Variants in INPP4B observed in about 807,000 individuals in gnomAD.
INPP4B encodes inositol polyphosphate-4-phosphatase type II B.
In INPP4B, 55 loss-of-function variants were observed where a neutral mutation model predicts 122.5. The ratio of observed to expected loss-of-function variants is 0.45; its 90% CI spans 0.36 to 0.56. The LOEUF (loss-of-function observed/expected upper bound fraction) is 0.56, where lower values mean the gene tolerates loss of function less well. Ranked by LOEUF, INPP4B falls within the 20% of genes least tolerant of loss-of-function variation. The pLI is 0.00. For synonymous variants in INPP4B, 403 were observed against 388.7 expected, an observed-to-expected ratio of 1.04 and a Z score of -0.43; for missense variants, 1,000 against 1,097.7, an observed-to-expected ratio of 0.91 and a Z score of 1.26.
intron 16 of INPP4B, among the ~76,000 whole-genome samples, chr4:142,162,928 T>C (rs1820819236): frequency 6.6e-6 from 1 of 151,924 alleles, no homozygotes; most frequent in Non-Finnish European, 1.5e-5. Flanking sequence ...GTGTAGAGAA[T>C]CACATTTTTT....
chr4:142,706,396 A>G (rs566742648), intron 2 of INPP4B, among the ~76,000 whole-genome samples: 23 of 152,344 alleles, frequency 1.5e-4, no homozygotes, highest in Admixed American at 5.9e-4. Context: ...TTGAGAAACT[A>G]TATCAATCAA....
At chr4:142,767,456 T>G (rs1454321766) in intron 1 of INPP4B, 1 of 152,214 alleles carries the variant, frequency 6.6e-6, no homozygotes, top group Non-Finnish European at 1.5e-5. Context: ...AGGAATGGGC[T>G]GGCTCTGCAG....
chr4:142,522,290 T>C (rs1335523877), intron 2 of INPP4B, among the ~76,000 whole-genome samples: 2 of 151,926 alleles, frequency 1.3e-5, no homozygotes, highest in African/African-American at 4.8e-5. Flanking sequence ...TATTGTGTCA[T>C]GTAGACATTT....
intron 2 of INPP4B, among the ~76,000 whole-genome samples, chr4:142,504,364 G>A (rs1468034577): frequency 2.6e-5 from 4 of 151,940 alleles, no homozygotes; most frequent in Non-Finnish European, 4.4e-5. Flanking sequence ...AATAATGGCA[G>A]GGATGTAGGA....
chr4:142,515,643 G>A (rs1825325586), intron 2 of INPP4B, among the ~76,000 whole-genome samples: 1 of 152,130 alleles, frequency 6.6e-6, no homozygotes, highest in South Asian at 2.1e-4. Flanking sequence ...ACTCAGAGCA[G>A]TGGGAAACAG....
At chr4:142,047,350 T>G (rs1378991860) in intron 25 of INPP4B, among the ~76,000 whole-genome samples, 1 of 152,152 alleles carries the variant, frequency 6.6e-6, no homozygotes, top group South Asian at 2.1e-4. Context: ...TCGACTATTC[T>G]GTTCAATTGA....
At chr4:142,837,597 G>T (rs866591196) in intron 1 of INPP4B, among the ~76,000 whole-genome samples, 1 of 151,968 alleles carries the variant, frequency 6.6e-6, no homozygotes, top group African/African-American at 2.4e-5. Context: ...CTATAAGAAG[G>T]GCTCAATAAA....
chr4:142,661,943 G>A (rs1330958964), intron 2 of INPP4B, among the ~76,000 whole-genome samples: 1 of 152,104 alleles, frequency 6.6e-6, no homozygotes, highest in African/African-American at 2.4e-5. Context: ...CAGAAGAGTG[G>A]GAGAGGTTGG....
Position 142,405,218 on chromosome 4 carries a change from G to T in INPP4B, c.243C>A (p.Thr81=). Residue 81 remains threonine, a synonymous_variant, in exon 6 of 26, where the codon ACC becomes ACA. Transcript: ENST00000262992. ...CACAGCATCTCACCTCCACAATTTC[G>T]GTGCTGGAGTATCTTGTCAGACTCT... is the stretch of plus-strand genomic sequence containing the variant. ...VEQSLTRYSS[T]EIVEGTRDPL... is the part of the protein sequence containing the mutation. The T allele has an allele frequency of 1.3e-6, 2 of 1,589,494 alleles. No homozygotes were observed. Among genetic ancestry groups the T allele is most frequent in the Non-Finnish European group, 1.7e-6 (2 of 1,158,010 alleles).
intron 9 of INPP4B, among the ~76,000 whole-genome samples, chr4:142,271,649 T>C (rs908930719): frequency 6.6e-6 from 1 of 152,090 alleles, no homozygotes; most frequent in African/African-American, 2.4e-5. Context: ...AACCCAAAGC[T>C]CATTTAGTAC....
chr4:142,147,469 C>T (rs542793159), intron 17 of INPP4B, among the ~76,000 whole-genome samples: 1 of 152,210 alleles, frequency 6.6e-6, no homozygotes, highest in Non-Finnish European at 1.5e-5. Context: ...AATTTTGGAT[C>T]CTTATGTGAC....
chr4:142,473,065 T>A (rs1177117656), intron 2 of INPP4B, among the ~76,000 whole-genome samples: 1 of 152,230 alleles, frequency 6.6e-6, no homozygotes, highest in Non-Finnish European at 1.5e-5. Context: ...ATTTGATGAC[T>A]TGATTTCTAA....
intron 5 of INPP4B, among the ~76,000 whole-genome samples, chr4:142,418,227 A>G (rs1458194737): frequency 1.3e-5 from 2 of 152,188 alleles, no homozygotes; most frequent in East Asian, 3.9e-4. Flanking sequence ...TTAAATATTC[A>G]TTTGAAATTT....
intron 2 of INPP4B, among the ~76,000 whole-genome samples, chr4:142,696,192 T>C (rs1760998585): frequency 6.6e-6 from 1 of 152,082 alleles, no homozygotes; most frequent in Admixed American, 6.6e-5. Context: ...CACACTCTGA[T>C]TCTAAAACAG....
In INPP4B at chr4:142,737,711, C is replaced by T. The variant is rs570846194; in HGVS notation, c.-253-11810G>A. Among the ~76,000 whole-genome samples the T allele has an allele frequency of 9.2e-4, 140 of 152,232 alleles. 4 individuals are homozygous for T. In the South Asian group the frequency reaches 0.028, roughly 30 times the overall value. ...TGGGAGAAAATTTTTACAATCTACT[C>T]ATCTGACAAAGGGCTAATATCCAGA... is the stretch of plus-strand genomic sequence containing the variant. On this transcript the variant is annotated intron_variant, in intron 1 of 25. Transcript: ENST00000262992.
At chr4:142,257,909 A>G (rs558505056) in intron 11 of INPP4B, among the ~76,000 whole-genome samples, 2 of 152,340 alleles carry the variant, frequency 1.3e-5, no homozygotes, top group Admixed American at 6.5e-5. Flanking sequence ...ATCCTAAGCC[A>G]AAAGAACAAA....
At chr4:142,506,544 A>G (rs58892349) in intron 2 of INPP4B, among the ~76,000 whole-genome samples, 1,807 of 152,238 alleles carry the variant, frequency 0.012, 35 homozygotes, top group African/African-American at 0.041. Context: ...CACCGTACCG[A>G]CTTACAAGAG....
intron 14 of INPP4B, among the ~76,000 whole-genome samples, chr4:142,198,641 TACA>T (rs1839405480): frequency 6.6e-6 from 1 of 151,938 alleles, no homozygotes; most frequent in Admixed American, 6.6e-5. Context: ...CTGAGTTCCC[TACA>T]GTATTCCTTT....
intron 7 of INPP4B, among the ~76,000 whole-genome samples, chr4:142,322,321 A>C (rs1269631874): frequency 6.6e-6 from 1 of 152,196 alleles, no homozygotes; most frequent in Non-Finnish European, 1.5e-5. Context: ...TTATATCTGA[A>C]ATATTCCTGG....
Sources: allele counts gnomAD v4.1 joint callset (sites outside exome capture counted in the v4.1 genomes callset), GRCh38; gene constraint gnomAD v4.1.1; transcripts MANE v1.5; gene names NCBI Gene and HGNC (gene_info 2026-07-23, HGNC 2026-07-21).